The following GRIK1 variants were observed in gnomAD, a reference collection of about 807,000 sequenced individuals.
GRIK1 encodes glutamate ionotropic receptor kainate type subunit 1.
GRIK1 carries 69 observed loss-of-function variants against 105.7 expected under a neutral mutation model. The observed-to-expected ratio is 0.65, with a 90% CI of 0.54 to 0.80. GRIK1 has a LOEUF of 0.80. Ranked by LOEUF, GRIK1 falls within the 30% of genes least tolerant of loss-of-function variation. GRIK1 has a pLI of 0.00. For synonymous variants in GRIK1, 438 were observed against 431.3 expected, an observed-to-expected ratio of 1.02 and a Z score of -0.19; for missense variants, 1,109 against 1,167.3, an observed-to-expected ratio of 0.95 and a Z score of 0.73.
At chr21:29,888,800 A>G (rs2832474) in intron 1 of GRIK1, among the ~76,000 whole-genome samples, 21,811 of 152,134 alleles carry the variant, frequency 0.14, 1,681 homozygotes, top group Non-Finnish European at 0.18. Flanking sequence ...GAAATCCACC[A>G]TCTGGTCTCC....
chr21:29,635,172 G>C (rs2409342), intron 7 of GRIK1, among the ~76,000 whole-genome samples: 21,980 of 152,074 alleles, frequency 0.14, 2,428 homozygotes, highest in African/African-American at 0.31. Context: ...TGAGTGGCAG[G>C]CTCCATCGTA....
At chr21:29,727,442 T>G (rs2064497419) in intron 1 of GRIK1, among the ~76,000 whole-genome samples, 1 of 152,190 alleles carries the variant, frequency 6.6e-6, no homozygotes, top group Admixed American at 6.5e-5. Context: ...TTCCATTCTG[T>G]GCTGTCTGCA....
chr21:29,867,131 C>T (rs761262034), intron 1 of GRIK1, among the ~76,000 whole-genome samples: 7 of 152,134 alleles, frequency 4.6e-5, no homozygotes, highest in Non-Finnish European at 7.4e-5. Context: ...TCTCTTGTTT[C>T]TGGGTGCAGG....
rs73352594 is a variant in GRIK1, at chr21:29,694,639, G to A, written c.119-576C>T. On this transcript the variant is annotated intron_variant, in intron 1 of 17. Coordinates refer to ENST00000327783, the MANE Select transcript of GRIK1 (RefSeq NM_001330994.2). ...GCAAATGTGTTCCAAACATTTAGTG[G>A]TATAAAAGTGTAACTGATAATATGG... Among the ~76,000 whole-genome samples, 877 of 152,290 alleles carry A rather than the reference G, an allele frequency of 5.8e-3. 12 individuals are homozygous for A. Among genetic ancestry groups the A allele is most frequent in the African/African-American group, 0.02 (844 of 41,558 alleles).
intron 1 of GRIK1, among the ~76,000 whole-genome samples, chr21:29,922,684 T>C (rs2071229453): frequency 3.3e-5 from 5 of 152,196 alleles, no homozygotes; most frequent in Admixed American, 2.0e-4. Context: ...TAAAAATAAA[T>C]GAAAACAGTT....
rs146243316 is a variant in GRIK1 at position 29,586,993 on chromosome 21, T to C, written c.1793+373A>G. Among the ~76,000 whole-genome samples the C allele has an allele frequency of 1.1e-4, 16 of 152,350 alleles. No homozygotes were observed. In the East Asian group the frequency reaches 3.1e-3, roughly 29 times the overall value. On this transcript the variant is annotated intron_variant, in intron 12 of 17. Coordinates refer to ENST00000327783, the MANE Select transcript of GRIK1 (RefSeq NM_001330994.2). Reference sequence around the variant, plus strand: ...TGCTGACTTTTTTATGTTTTGCTTATCCAAATATTCTAGGGGTCAAATATC... The same window carrying C: ...TGCTGACTTTTTTATGTTTTGCTTACCCAAATATTCTAGGGGTCAAATATC...
intron 16 of GRIK1, among the ~76,000 whole-genome samples, chr21:29,553,954 G>A (rs2090185404): frequency 1.3e-5 from 2 of 152,228 alleles, no homozygotes; most frequent in Admixed American, 1.3e-4. Context: ...TATAACAAGA[G>A]CTTTGGAAAG....
intron 1 of GRIK1, among the ~76,000 whole-genome samples, chr21:29,875,547 G>A (rs567513177): frequency 1.3e-5 from 2 of 152,158 alleles, no homozygotes; most frequent in South Asian, 4.2e-4. Flanking sequence ...ATCCTTAGGG[G>A]CTTCCACTGA....
At chr21:29,782,828 G>GT (rs1419467311) in intron 1 of GRIK1, among the ~76,000 whole-genome samples, 1 of 152,050 alleles carries the variant, frequency 6.6e-6, no homozygotes, top group African/African-American at 2.4e-5. Context: ...CAACCCTTCA[G>GT]TATTACACAC....
intron 1 of GRIK1, among the ~76,000 whole-genome samples, chr21:29,744,884 T>G (rs2065013260): frequency 1.3e-5 from 2 of 151,280 alleles, no homozygotes; most frequent in Non-Finnish European, 3.0e-5. Flanking sequence ...TGACCTGTAT[T>G]TTACAGAAGA....
intron 5 of GRIK1, among the ~76,000 whole-genome samples, chr21:29,653,862 A>G (rs2062790875): frequency 6.6e-6 from 1 of 152,184 alleles, no homozygotes; most frequent in South Asian, 2.1e-4. Context: ...AGTAGCAGTA[A>G]TGATTTTGAC....
Position 29,588,881 on chromosome 21 carries a change from GTCAT to G in GRIK1, c.1523_1526del (p.Asn508ThrfsTer13), listed in dbSNP as rs781620609. On this transcript the variant is annotated frameshift_variant, in exon 11 of 18. Transcript: ENST00000327783. LOFTEE classifies it high-confidence loss of function. ...TAACCATCCCGTTCCACTCCCCTTT[GTCAT>G]TCTGGGCCCCATATTTGCCATCGGG... The G allele has an allele frequency of 6.2e-7, 1 of 1,608,800 alleles. No individual in the cohort carries two copies. The highest frequency in any genetic ancestry group is 1.7e-5 in the Admixed American group (1 of 59,990).
At chr21:29,936,711 C>T (rs374197715) in intron 1 of GRIK1, among the ~76,000 whole-genome samples, 4 of 152,178 alleles carry the variant, frequency 2.6e-5, no homozygotes, top group East Asian at 1.9e-4. Context: ...GCTCAAATCA[C>T]GTGTCTATGT....
chr21:29,672,113 A>G (rs552793293), intron 4 of GRIK1, among the ~76,000 whole-genome samples: 1 of 147,924 alleles, frequency 6.8e-6, no homozygotes, highest in Non-Finnish European at 1.5e-5. Context: ...GCTGGAGTGC[A>G]ATGGTGTGAT....
At chr21:29,768,423 A>G (rs1369316840) in intron 1 of GRIK1, among the ~76,000 whole-genome samples, 3 of 152,140 alleles carry the variant, frequency 2.0e-5, no homozygotes, top group Admixed American at 2.0e-4. Context: ...AAGGAGAGAA[A>G]GACGATACAA....
chr21:29,601,836 C>T (rs2061524503), intron 7 of GRIK1, among the ~76,000 whole-genome samples: 1 of 152,234 alleles, frequency 6.6e-6, no homozygotes, highest in Non-Finnish European at 1.5e-5. Flanking sequence ...ACCTAATTAT[C>T]TTACTAAATT....
chr21:29,694,363 A>T (rs996089713), intron 1 of GRIK1, among the ~76,000 whole-genome samples: 1 of 152,106 alleles, frequency 6.6e-6, no homozygotes. Flanking sequence ...ACCTCAGGTG[A>T]TCCACCCGCC....
At chr21:29,848,755 G>GTGTATATATATATA (rs773386863) in intron 1 of GRIK1, among the ~76,000 whole-genome samples, 55 of 91,194 alleles carry the variant, frequency 6.0e-4, no homozygotes, top group Non-Finnish European at 8.8e-4. Context: ...AGTTGTGTGT[G>GTGTATATATATATA]TATATATATA....
rs914220027 is a variant in GRIK1, at chr21:29,563,408, G to A, written c.2131-1559C>T. Among the ~76,000 whole-genome samples, 50 of 152,112 alleles carry A rather than the reference G, an allele frequency of 3.3e-4. 1 individual carries two copies. Among genetic ancestry groups the A allele is most frequent in the Admixed American group, 3.2e-3 (49 of 15,256 alleles). On this transcript the variant is annotated intron_variant, in intron 14 of 17. Transcript: ENST00000327783. ...AAAATCCCCCTGAGAAAGGTCTTGT[G>A]AGACAAATAACAATTCAATAAACAG...
Sources: gnomAD v4.1 joint callset for allele counts (sites outside exome capture counted in the v4.1 genomes callset) on GRCh38, gnomAD v4.1.1 for gene constraint, MANE v1.5 for transcripts, NCBI Gene and HGNC (gene_info 2026-07-23, HGNC 2026-07-21) for gene names.